The following POLN variants were observed in gnomAD, a reference collection of about 807,000 sequenced individuals.
The protein encoded by POLN is DNA polymerase nu.
POLN carries 108 observed loss-of-function variants against 113.5 expected under a neutral mutation model. The observed-to-expected ratio is 0.95, with a 90% confidence interval of 0.81 to 1.12. POLN has a LOEUF of 1.12. Among genes scored for constraint, POLN ranks in the 50% most tolerant of loss-of-function variants. The pLI, the probability that POLN is intolerant of heterozygous loss-of-function variation, is 0.00. For missense variants in POLN, 1,097 were observed against 1,077.1 expected (o/e 1.02, Z -0.26); for synonymous variants, 386 against 391.5 (o/e 0.99, Z 0.17).
chr4:2,101,218 G>A (rs1730914875), intron 19 of POLN, among the ~76,000 whole-genome samples: 1 of 152,046 alleles, frequency 6.6e-6, no homozygotes, highest in African/African-American at 2.4e-5. Context: ...AAATAGGAGT[G>A]TGTTGAAAAG....
chr4:2,100,841 AATT>A (rs1730904824), intron 19 of POLN, among the ~76,000 whole-genome samples: 1 of 152,242 alleles, frequency 6.6e-6, no homozygotes, highest in Admixed American at 6.5e-5. Flanking sequence ...GGAATTGACT[AATT>A]ATTTGGGAAA....
chr4:2,097,145 G>C (rs2108701608), intron 19 of POLN, among the ~76,000 whole-genome samples: 1 of 152,318 alleles, frequency 6.6e-6, no homozygotes, highest in East Asian at 1.9e-4. Flanking sequence ...GCAGCAAGTG[G>C]GTTCTGAGTT....
chr4:2,135,582 T>C (rs771211297), intron 16 of POLN, among the ~76,000 whole-genome samples: 2 of 152,184 alleles, frequency 1.3e-5, no homozygotes, highest in African/African-American at 2.4e-5. Context: ...CGTGAGCAAT[T>C]AGCACATACA....
chr4:2,073,842 C>T (rs1360782397), intron 24 of POLN, among the ~76,000 whole-genome samples: 2 of 152,202 alleles, frequency 1.3e-5, no homozygotes, highest in African/African-American at 2.4e-5. Context: ...CCTGGTGTGT[C>T]CTGAGCAGGG....
chr4:2,185,197 C>T (rs1428791333), intron 7 of POLN, among the ~76,000 whole-genome samples: 6 of 152,196 alleles, frequency 3.9e-5, no homozygotes, highest in African/African-American at 7.2e-5. Flanking sequence ...TCCTGACAAA[C>T]GTATACAACA....
chr4:2,139,909 G>A (rs1272137148), intron 16 of POLN: 2 of 152,032 alleles, frequency 1.3e-5, no homozygotes, highest in African/African-American at 4.8e-5. Context: ...CCATCTGGGG[G>A]TGCAAGTCAG....
intron 4 of POLN, among the ~76,000 whole-genome samples, chr4:2,210,039 A>G (rs1362556915): frequency 6.7e-6 from 1 of 149,902 alleles, no homozygotes; most frequent in Non-Finnish European, 1.5e-5. Context: ...TTGAATAACT[A>G]TATTAACATT....
chr4:2,100,637 AAAAC>A (rs1730900278), intron 19 of POLN, among the ~76,000 whole-genome samples: 1 of 152,214 alleles, frequency 6.6e-6, no homozygotes, highest in African/African-American at 2.4e-5. Flanking sequence ...TTTCATCTGA[AAAAC>A]AAACCAAATG....
At chr4:2,085,037 C>T (rs1730515941) in intron 21 of POLN, among the ~76,000 whole-genome samples, 1 of 152,198 alleles carries the variant, frequency 6.6e-6, no homozygotes. Context: ...TAGCCACATC[C>T]CAGTTTCTGA....
At chr4:2,080,536 G>C (rs1730383300) in intron 23 of POLN, 2 of 1,172,234 alleles carry the variant, frequency 1.7e-6, no homozygotes, top group East Asian at 1.2e-4. Flanking sequence ...AGGTAGGGGT[G>C]GGGGCAGAGC....
At chr4:2,087,576 A>C (rs1202960917) in intron 20 of POLN, among the ~76,000 whole-genome samples, 2 of 152,080 alleles carry the variant, frequency 1.3e-5, no homozygotes, top group African/African-American at 2.4e-5. Flanking sequence ...TATTTCTTGA[A>C]GTTTTCTTTT....
chr4:2,159,227 G>T lies in POLN; in HGVS notation c.1555-16C>A. 6.3e-7 allele frequency: 1 copy of T among 1,576,640 alleles called. No homozygotes were observed. The highest frequency in any genetic ancestry group is 8.7e-7 in the Non-Finnish European group (1 of 1,149,314). On this transcript the variant is annotated splice_polypyrimidine_tract_variant and intron_variant, in intron 13 of 25. Transcript: ENST00000511885. ...GAGCATTTAACTAAACATGAAAATA[G>T]ATACTACCAATGTAATTCGTCCATT... is the stretch of plus-strand genomic sequence containing the variant.
At chr4:2,241,049 C>A in intron 2 of POLN, 1 of 812,338 alleles carries the variant, frequency 1.2e-6, no homozygotes. Context: ...ATACCAAGTC[C>A]ACAGAGAAGG....
intron 5 of POLN, among the ~76,000 whole-genome samples, chr4:2,199,120 T>C (rs1189771883): frequency 6.6e-6 from 1 of 152,130 alleles, no homozygotes; most frequent in East Asian, 1.9e-4. Context: ...AGCACAGAAA[T>C]TTAATATATT....
intron 15 of POLN, among the ~76,000 whole-genome samples, chr4:2,157,342 T>G (rs1289420368): frequency 6.6e-6 from 1 of 152,182 alleles, no homozygotes; most frequent in East Asian, 1.9e-4. Flanking sequence ...TAGAGCTTCC[T>G]CATAAACAGA....
At chr4:2,150,656 C>G (rs1465199439) in intron 16 of POLN, among the ~76,000 whole-genome samples, 1 of 152,102 alleles carries the variant, frequency 6.6e-6, no homozygotes, top group Non-Finnish European at 1.5e-5. Flanking sequence ...ATCAACTAGA[C>G]TGAGTTCAGA....
chr4:2,073,265 C>A (rs1457098140), intron 24 of POLN, among the ~76,000 whole-genome samples: 1 of 152,214 alleles, frequency 6.6e-6, no homozygotes, highest in African/African-American at 2.4e-5. Context: ...GTCCAGGATG[C>A]CTCTCGCAGG....
chr4:2,104,825 T>C (rs1177216159), intron 19 of POLN, among the ~76,000 whole-genome samples: 3 of 152,214 alleles, frequency 2.0e-5, no homozygotes, highest in African/African-American at 4.8e-5. Flanking sequence ...GGATCAGAGC[T>C]GTCCACTTCT....
intron 2 of POLN, among the ~76,000 whole-genome samples, chr4:2,238,009 A>G (rs6831205): frequency 0.083 from 12,654 of 152,180 alleles, 790 homozygotes; most frequent in African/African-American, 0.17. Flanking sequence ...CATTTTATTA[A>G]TAAGAAAACA....
Sources: gnomAD v4.1 joint callset for allele counts (sites outside exome capture counted in the v4.1 genomes callset) on GRCh38, gnomAD v4.1.1 for gene constraint, MANE v1.5 for transcripts, NCBI Gene and HGNC (gene_info 2026-07-23, HGNC 2026-07-21) for gene names.